ITGAL: variants seen among roughly 807,000 people sequenced by gnomAD.
The protein encoded by ITGAL is integrin subunit alpha L.
ITGAL carries 68 observed loss-of-function variants against 138.4 expected under a neutral mutation model. The ratio of observed to expected loss-of-function variants is 0.49; its 90% CI spans 0.40 to 0.60. ITGAL has a LOEUF of 0.60. Ranked by LOEUF, ITGAL falls within the 20% of genes least tolerant of loss-of-function variation. The pLI, the probability that ITGAL is intolerant of heterozygous loss-of-function variation, is 0.00. For missense variants in ITGAL, 1,256 were observed against 1,478.6 expected (o/e 0.85, Z 2.47); for synonymous variants, 561 against 584.3 (o/e 0.96, Z 0.57).
intron 4 of ITGAL, among the ~76,000 whole-genome samples, chr16:30,478,426 C>T (rs553010838): frequency 4.0e-5 from 6 of 151,004 alleles, no homozygotes; most frequent in South Asian, 4.2e-4. Context: ...TGGCCGGGCG[C>T]GGTGGCTCAT....
At position 30,494,477 on chromosome 16, in the gene ITGAL, A is replaced by G. The variant is rs1468745661; in HGVS notation, c.1365+114A>G. The G allele has an allele frequency of 3.3e-6, 4 of 1,220,354 alleles. No homozygotes were observed. The highest frequency in any genetic ancestry group is 2.7e-5 in the Admixed American group (1 of 37,178). 75.6% of individuals were successfully genotyped at this position (1,220,354 alleles called of 1,614,324 possible). On this transcript the variant is annotated intron_variant, in intron 12 of 30. Coordinates refer to ENST00000356798, the MANE Select transcript of ITGAL (RefSeq NM_002209.3). The surrounding 1 kb of genome is among the most constrained non-coding windows in gnomAD (Gnocchi z 4.2). ...CCATGTGGCAGCCCCTGTGCTAAAC[A>G]TGATCACATTTATCCCTCATAACAC...
chr16:30,476,898 T>TGTA (rs2050480092), intron 4 of ITGAL, among the ~76,000 whole-genome samples: 1 of 152,160 alleles, frequency 6.6e-6, no homozygotes, highest in African/African-American at 2.4e-5. Flanking sequence ...CCTCCCAAAA[T>TGTA]GCTGGGATTA....
chr16:30,495,848 C>CA (rs999465904), intron 13 of ITGAL, among the ~76,000 whole-genome samples: 2 of 149,542 alleles, frequency 1.3e-5, no homozygotes, highest in African/African-American at 2.5e-5. Flanking sequence ...GACTCCATCT[C>CA]AAAAAAAAAT....
At chr16:30,512,101 A>T (rs1714733397) in intron 24 of ITGAL, among the ~76,000 whole-genome samples, 1 of 152,218 alleles carries the variant, frequency 6.6e-6, no homozygotes, top group Non-Finnish European at 1.5e-5. Flanking sequence ...AGTTGTTTAC[A>T]AACGTCCCCT....
chr16:30,499,216 C>T lies in ITGAL; in HGVS notation c.1975C>T (p.Leu659Phe), dbSNP rs766352989. 1.1e-5 allele frequency: 17 copies of T among 1,614,074 alleles called. No homozygotes were observed. The highest frequency in any genetic ancestry group is 4.0e-5 in the African/African-American group (3 of 74,928). The stretch of plus-strand genomic sequence containing the variant: ...CACAATCTGTTTCCAGATCAAGTCT[C>T]TCATCCCCCAGTTCCAAGGTCAGAG... The part of the protein sequence containing the change: ...NITICFQIKS[L>F]IPQFQGRLVA... Residue 659 changes from leucine (L) to phenylalanine (F), a missense_variant, in exon 16 of 31, where the codon CTC (leucine) becomes TTC (phenylalanine). This residue lies in a region of ITGAL where 867 missense variants were observed against 972.5 expected (regional missense o/e 0.89). Coordinates refer to ENST00000356798, the MANE Select transcript of ITGAL (RefSeq NM_002209.3).
rs2050427554 is a variant in ITGAL, at chr16:30,473,864, C to T, written c.62-332C>T. ...GCACCCGGCTCGGGGGCATCCCCAT[C>T]TTGGCCTCTGCCTGAGAACTTGGTC... On this transcript the variant is annotated intron_variant, in intron 1 of 30. Coordinates refer to ENST00000356798, the MANE Select transcript of ITGAL (RefSeq NM_002209.3). 6 of 490,222 alleles carry T rather than the reference C, an allele frequency of 1.2e-5. No individual in the cohort carries two copies. In the Admixed American group the frequency reaches 1.4e-4, roughly 12 times the overall value. 30.4% of individuals were successfully genotyped at this position (490,222 alleles called of 1,614,324 possible).
At chr16:30,512,535 C>T (rs545324468) in intron 24 of ITGAL, among the ~76,000 whole-genome samples, 1 of 148,960 alleles carries the variant, frequency 6.7e-6, no homozygotes, top group South Asian at 2.2e-4. Context: ...TGCAGTGAGC[C>T]GAGATCATGC....
chr16:30,510,532 G>A (rs1265199854), intron 22 of ITGAL, 61 bp downstream of exon 22: 1 of 966,122 alleles, frequency 1.0e-6, no homozygotes, highest in Admixed American at 1.7e-5. Flanking sequence ...GTGGAGGGCA[G>A]GGAGCTCTTG....
intron 11 of ITGAL, among the ~76,000 whole-genome samples, chr16:30,490,025 G>A (rs201678723): frequency 2.0e-5 from 3 of 151,086 alleles, no homozygotes; most frequent in African/African-American, 4.9e-5. Flanking sequence ...TCAGGAGTTC[G>A]AGACCAGCCT....
chr16:30,519,948 T>C lies in ITGAL; in HGVS notation c.3320T>C (p.Ile1107Thr), dbSNP rs1222606301. The C allele has an allele frequency of 1.2e-6, 2 of 1,612,596 alleles. No homozygotes were observed. The highest frequency in any genetic ancestry group is 1.7e-6 in the Non-Finnish European group (2 of 1,179,782). Residue 1107 changes from isoleucine (I) to threonine (T), a missense_variant, in exon 30 of 31, where the codon ATT becomes ACT. By Grantham distance (89) the Ile-to-Thr change is moderately conservative. This residue lies in a region of ITGAL where 867 missense variants were observed against 972.5 expected (regional missense o/e 0.89). Transcript: ENST00000356798. ...GIGGLLLLLL[I>T]FIVLYKVGFF... ...GGGGGGCTGCTGCTGCTGCTGCTCA[T>C]TTTCATAGTGCTGTACAAGGTGGGT...
At chr16:30,499,729 A>T (rs1169970123) in intron 17 of ITGAL, among the ~76,000 whole-genome samples, 39 of 105,568 alleles carry the variant, frequency 3.7e-4, no homozygotes, top group South Asian at 1.0e-3. Context: ...ATATATATAT[A>T]TATATTTTTT....
chr16:30,479,198 T>G lies in ITGAL; in HGVS notation c.435T>G (p.Pro145=). The G allele has an allele frequency of 4.3e-6, 7 of 1,614,032 alleles. No homozygotes were observed. Among genetic ancestry groups the G allele is most frequent in the Non-Finnish European group, 5.9e-6 (7 of 1,179,970 alleles). The change falls in exon 5 of 31, where the codon CCT becomes CCG. Residue 145 remains proline, a synonymous_variant. Transcript: ENST00000356798. The part of the protein sequence containing the change: ...NLQGPMLQGR[P]GFQECIKGNV... Reference sequence around the variant, plus strand: ...AGGGTCCCATGCTGCAGGGGCGCCCTGGTTTTCAGGGTAAGGAACTGGGGA... The same window carrying G: ...AGGGTCCCATGCTGCAGGGGCGCCCGGGTTTTCAGGGTAAGGAACTGGGGA...
rs1227564794 is a variant in ITGAL, at chr16:30,518,560, G to A, written c.3133-64G>A. The A allele has an allele frequency of 1.9e-5, 22 of 1,153,438 alleles. No homozygotes were observed. The Admixed American group carries it at 3.7e-4, about 20-fold the overall frequency. The allele number at this position is 1,153,438 out of a possible 1,614,324, so 71.5% of individuals were successfully genotyped here. A position where few individuals can be genotyped will look rare whatever the true frequency, so the allele number is the denominator to read the frequency against. On this transcript the variant is annotated intron_variant, in intron 28 of 30. Transcript: ENST00000356798. ...CCCCTCCCCACTGTGTTGTGGTGGG[G>A]GCAAAAGCCAGTGGGTTCTGTCCTC...
intron 28 of ITGAL, among the ~76,000 whole-genome samples, chr16:30,518,205 C>T (rs1356941860): frequency 3.9e-5 from 6 of 152,000 alleles, no homozygotes; most frequent in African/African-American, 1.2e-4. Flanking sequence ...CCTAGCACTT[C>T]GGGAGGCTTA....
At chr16:30,516,186 C>A (rs1203353960) in intron 25 of ITGAL, among the ~76,000 whole-genome samples, 1 of 152,060 alleles carries the variant, frequency 6.6e-6, no homozygotes, top group African/African-American at 2.4e-5. Flanking sequence ...CTGAGTCTCC[C>A]AGCCTTAACA....
chr16:30,497,320 G>T (rs2050816456), intron 15 of ITGAL, among the ~76,000 whole-genome samples: 2 of 151,374 alleles, frequency 1.3e-5, no homozygotes, highest in South Asian at 4.2e-4. Context: ...TCCAGCCTGG[G>T]TGACAGAGTG....
chr16:30,486,989 G>C (rs983840382), intron 9 of ITGAL, among the ~76,000 whole-genome samples: 1 of 151,584 alleles, frequency 6.6e-6, no homozygotes, highest in African/African-American at 2.4e-5. Context: ...AGAGACAAGA[G>C]TTTCTTAGCC....
At chr16:30,504,555 A>G (rs544579823) in intron 18 of ITGAL, among the ~76,000 whole-genome samples, 8 of 151,968 alleles carry the variant, frequency 5.3e-5, no homozygotes, top group African/African-American at 1.9e-4. Context: ...ATAAAAAATT[A>G]GTTATTGTGA....
chr16:30,505,356 G>A (rs1320277666), intron 19 of ITGAL, 33 bp from the exon 20 acceptor site: 1 of 1,613,558 alleles, frequency 6.2e-7, no homozygotes, highest in South Asian at 1.1e-5. Context: ...CTCCTGATCT[G>A]AGCCTGTTAC....
Sources: gnomAD v4.1 joint callset for allele counts (sites outside exome capture counted in the v4.1 genomes callset) on GRCh38, gnomAD v4.1.1 for gene constraint, gnomAD v4.1.1 regional missense constraint, Gnocchi (gnomAD v3.1) non-coding constraint, MANE v1.5 for transcripts, NCBI Gene and HGNC (gene_info 2026-07-23, HGNC 2026-07-21) for gene names.